Variants in VEPH1 observed in about 807,000 individuals in gnomAD.
The protein encoded by VEPH1 is ventricular zone expressed PH domain containing 1.
A neutral mutation model predicts 85.2 loss-of-function variants in VEPH1; 80 were observed. That is an observed-to-expected ratio of 0.94 (90% confidence interval 0.78 to 1.13). The LOEUF is 1.13. VEPH1 is among the 50% of genes most tolerant of loss of function. The pLI, the probability that VEPH1 is intolerant of heterozygous loss-of-function variation, is 0.00. For synonymous variants in VEPH1, 297 were observed against 348.0 expected, an observed-to-expected ratio of 0.85 and a Z score of 1.63; for missense variants, 955 against 980.5, an observed-to-expected ratio of 0.97 and a Z score of 0.35.
chr3:157,296,638 C>A (rs886153349), intron 11 of VEPH1, among the ~76,000 whole-genome samples: 5 of 152,096 alleles, frequency 3.3e-5, no homozygotes, highest in Admixed American at 1.3e-4. Context: ...TTCAGAAAAC[C>A]AAACAAAACA....
chr3:157,459,880 T>C (rs1735673834), intron 4 of VEPH1: 1 of 1,537,076 alleles, frequency 6.5e-7, no homozygotes. Flanking sequence ...TCTCCACAGT[T>C]GGTAGTTGAA....
intron 2 of VEPH1, among the ~76,000 whole-genome samples, chr3:157,473,356 G>C (rs1257568595): frequency 1.3e-5 from 2 of 152,072 alleles, no homozygotes; most frequent in Non-Finnish European, 2.9e-5. Flanking sequence ...ACAAGCATGA[G>C]CCACCATGTC....
At chr3:157,418,993 A>G (rs1449151945) in intron 5 of VEPH1, among the ~76,000 whole-genome samples, 1 of 152,206 alleles carries the variant, frequency 6.6e-6, no homozygotes, top group African/African-American at 2.4e-5. Context: ...ACATAGACGA[A>G]TGGAACAGAA....
At chr3:157,434,504 G>A (rs929224119) in intron 4 of VEPH1, among the ~76,000 whole-genome samples, 1 of 151,902 alleles carries the variant, frequency 6.6e-6, no homozygotes, top group Non-Finnish European at 1.5e-5. Flanking sequence ...TGCAGATGAG[G>A]GTCTTGCTAT....
intron 7 of VEPH1, among the ~76,000 whole-genome samples, chr3:157,380,366 G>T (rs1416276503): frequency 6.6e-6 from 1 of 152,164 alleles, no homozygotes; most frequent in Non-Finnish European, 1.5e-5. Flanking sequence ...ACTCCTCACT[G>T]CTTAGAGGGT....
At chr3:157,442,367 T>C (rs766464294) in intron 4 of VEPH1, 1 of 1,603,540 alleles carries the variant, frequency 6.2e-7, no homozygotes, top group South Asian at 1.1e-5. Context: ...CTACTCTAGG[T>C]TGTGAAACAG....
chr3:157,438,661 G>T (rs182230671), intron 4 of VEPH1, among the ~76,000 whole-genome samples: 1 of 152,266 alleles, frequency 6.6e-6, no homozygotes, highest in East Asian at 1.9e-4. Context: ...GGCCAAGCAG[G>T]AGAGAGACTG....
chr3:157,478,749 A>G (rs1356340330), intron 2 of VEPH1, among the ~76,000 whole-genome samples: 1 of 152,230 alleles, frequency 6.6e-6, no homozygotes, highest in Non-Finnish European at 1.5e-5. Context: ...GTCCATAAAG[A>G]TAAATTACTT....
intron 12 of VEPH1, 71 bp downstream of exon 12, chr3:157,286,486 A>T: frequency 1.6e-6 from 2 of 1,248,370 alleles, no homozygotes; most frequent in Non-Finnish European, 2.3e-6. Flanking sequence ...GGCCACCTAG[A>T]AAAATGGAGC....
chr3:157,413,792 T>C, intron 6 of VEPH1, 89 bp downstream of exon 6: 1 of 1,445,988 alleles, frequency 6.9e-7, no homozygotes, highest in Non-Finnish European at 9.3e-7. Flanking sequence ...CAGGACAAAT[T>C]TGCACGTCAT....
At chr3:157,496,335 G>A (rs1212586109) in intron 1 of VEPH1, among the ~76,000 whole-genome samples, 1 of 152,176 alleles carries the variant, frequency 6.6e-6, no homozygotes, top group Non-Finnish European at 1.5e-5. Flanking sequence ...TCCCTTCTGG[G>A]CCTAATAAAA....
chr3:157,472,510 C>A (rs1285134065), intron 2 of VEPH1, among the ~76,000 whole-genome samples: 1 of 152,118 alleles, frequency 6.6e-6, no homozygotes, highest in East Asian at 1.9e-4. Context: ...ATGTAAGCTT[C>A]AGAATTTTTT....
At chr3:157,426,351 G>A (rs963388968) in intron 5 of VEPH1, among the ~76,000 whole-genome samples, 6 of 152,218 alleles carry the variant, frequency 3.9e-5, no homozygotes, top group African/African-American at 1.2e-4. Flanking sequence ...TGTAGGAGAA[G>A]CATAGTGCGA....
At chr3:157,465,403 T>A (rs2109408574) in intron 3 of VEPH1, among the ~76,000 whole-genome samples, 1 of 152,338 alleles carries the variant, frequency 6.6e-6, no homozygotes, top group African/African-American at 2.4e-5. Context: ...TGATACCAAC[T>A]TCCTATGTTC....
At position 157,493,948 on chromosome 3, in the gene VEPH1, A is replaced by G. The variant is rs190344818; in HGVS notation, c.138+1264T>C. 1.2e-4 allele frequency among the ~76,000 whole-genome samples: 18 copies of G among 152,330 alleles called. No individual in the cohort carries two copies. In the East Asian group the frequency reaches 2.9e-3, roughly 24 times the overall value. ...GCCAACTGATTTGCAGAGGAGTGTGAAAGAAGGGGTTTCTGAAAACAGGAC... is the reference window on the plus strand; with the variant it reads ...GCCAACTGATTTGCAGAGGAGTGTGGAAGAAGGGGTTTCTGAAAACAGGAC... On this transcript the variant is annotated intron_variant, in intron 2 of 13. Transcript: ENST00000362010.
intron 9 of VEPH1, among the ~76,000 whole-genome samples, chr3:157,356,938 C>A (rs1427328866): frequency 6.6e-6 from 1 of 152,088 alleles, no homozygotes; most frequent in Non-Finnish European, 1.5e-5. Context: ...TAATGGATGA[C>A]TGATAATAAT....
intron 11 of VEPH1, among the ~76,000 whole-genome samples, chr3:157,287,307 G>A (rs369171767): frequency 3.9e-5 from 6 of 151,954 alleles, no homozygotes; most frequent in Non-Finnish European, 7.4e-5. Context: ...CCTGTGAGGC[G>A]GAGGTTGCAG....
chr3:157,499,507 A>G (rs941362160), intron 1 of VEPH1: 11 of 152,176 alleles, frequency 7.2e-5, no homozygotes, highest in Non-Finnish European at 1.3e-4. Context: ...CGCTCAGCTC[A>G]GTGAACCTGA....
At chr3:157,425,547 A>G (rs1732696733) in intron 5 of VEPH1, among the ~76,000 whole-genome samples, 1 of 152,160 alleles carries the variant, frequency 6.6e-6, no homozygotes, top group Admixed American at 6.5e-5. Flanking sequence ...GCCCTCCTGG[A>G]TTTCAGACTT....
Sources: allele counts gnomAD v4.1 joint callset (sites outside exome capture counted in the v4.1 genomes callset), GRCh38; gene constraint gnomAD v4.1.1; transcripts MANE v1.5; gene names NCBI Gene and HGNC (gene_info 2026-07-23, HGNC 2026-07-21).